Variants in MCHR2 observed in about 807,000 individuals in gnomAD.
The protein encoded by MCHR2 is melanin concentrating hormone receptor 2.
MCHR2 carries 15 observed loss-of-function variants against 24.8 expected under a neutral mutation model. That is an observed-to-expected ratio of 0.60 (90% CI 0.40 to 0.93). The LOEUF (loss-of-function observed/expected upper bound fraction) is 0.93, where lower values mean the gene tolerates loss of function less well. MCHR2 is among the 40% of genes least tolerant of loss of function. The pLI is 0.00. For synonymous variants in MCHR2, 151 were observed against 147.6 expected (o/e 1.02, Z -0.17); for missense variants, 386 against 408.7 (o/e 0.94, Z 0.48).
At chr6:99,944,664 G>A (rs944930418) in intron 3 of MCHR2, among the ~76,000 whole-genome samples, 1 of 152,092 alleles carries the variant, frequency 6.6e-6, no homozygotes, top group Non-Finnish European at 1.5e-5. Context: ...TGCGGAAGTG[G>A]ATGATGTAGT....
Position 99,956,117 on chromosome 6 carries a change from T to C in MCHR2, c.31A>G (p.Thr11Ala), listed in dbSNP as rs757923566. The C allele has an allele frequency of 1.9e-6, 3 of 1,612,734 alleles. No homozygotes were observed. The African/African-American group carries it at 4.0e-5, about 22-fold the overall frequency. ...GATTTGTTTAAAAGTTCGGCAGAGG[T>C]GTTCCAACAAGATGCATGAAATGGA... MNPFHASCWN[T>A]SAELLNKSWN... Residue 11 changes from threonine to alanine, a missense_variant, in exon 2 of 6, where the codon ACC (threonine) becomes GCC (alanine). Physicochemically the swap from Thr to Ala is moderately conservative, Grantham distance 58. Coordinates refer to ENST00000281806, the MANE Select transcript of MCHR2 (RefSeq NM_001040179.2).
intron 1 of MCHR2, among the ~76,000 whole-genome samples, chr6:99,982,338 C>T (rs2114589023): frequency 6.6e-6 from 1 of 151,880 alleles, no homozygotes; most frequent in Admixed American, 6.6e-5. Flanking sequence ...ATAAAACAAT[C>T]TTAATTGGGG....
intron 5 of MCHR2, among the ~76,000 whole-genome samples, chr6:99,925,637 CAACTT>C (rs2114487032): frequency 6.6e-6 from 1 of 152,002 alleles, no homozygotes; most frequent in South Asian, 2.1e-4. Flanking sequence ...AACCTGATAA[CAACTT>C]AACACTGTTT....
chr6:99,956,111 C>G lies in MCHR2; in HGVS notation c.37G>C (p.Ala13Pro). Residue 13 changes from alanine (A) to proline (P), a missense_variant, in exon 2 of 6, where the codon GCC becomes CCC. Ala to Pro is a conservative substitution (Grantham distance 27). Coordinates refer to ENST00000281806, the MANE Select transcript of MCHR2 (RefSeq NM_001040179.2). The part of the protein sequence containing the change: ...PFHASCWNTS[A>P]ELLNKSWNKE... The stretch of plus-strand genomic sequence containing the variant: ...TTCCAGGATTTGTTTAAAAGTTCGG[C>G]AGAGGTGTTCCAACAAGATGCATGA... The G allele has an allele frequency of 1.2e-6, 2 of 1,613,002 alleles. No individual in the cohort carries two copies. The highest frequency in any genetic ancestry group is 2.2e-5 in the South Asian group (2 of 90,952).
chr6:99,951,340 TACAGG>T (rs1370966210), intron 2 of MCHR2, among the ~76,000 whole-genome samples: 1 of 152,128 alleles, frequency 6.6e-6, no homozygotes, highest in East Asian at 1.9e-4. Context: ...GACAGACCTA[TACAGG>T]ACAGATGCTA....
chr6:99,969,574 T>C (rs992694369), intron 1 of MCHR2, among the ~76,000 whole-genome samples: 8 of 152,106 alleles, frequency 5.3e-5, no homozygotes, highest in African/African-American at 1.7e-4. Flanking sequence ...TTTCTTATTT[T>C]AATATTATTA....
At chr6:99,940,215 T>C (rs1774746059) in intron 4 of MCHR2, among the ~76,000 whole-genome samples, 2 of 152,096 alleles carry the variant, frequency 1.3e-5, no homozygotes, top group African/African-American at 4.8e-5. Context: ...TGAACACCGA[T>C]AAGTCTTAGA....
At chr6:99,948,920 T>C (rs1205108828) in intron 2 of MCHR2, among the ~76,000 whole-genome samples, 2 of 152,160 alleles carry the variant, frequency 1.3e-5, no homozygotes, top group Admixed American at 6.5e-5. Context: ...GAGAGTCATC[T>C]GAAAAGAGGG....
intron 1 of MCHR2, among the ~76,000 whole-genome samples, chr6:99,984,520 T>C (rs1245007825): frequency 2.6e-5 from 4 of 152,010 alleles, no homozygotes; most frequent in Non-Finnish European, 2.9e-5. Context: ...TTTCTTTAGA[T>C]AACATCTTTT....
intron 1 of MCHR2, among the ~76,000 whole-genome samples, chr6:99,986,828 T>C (rs938620518): frequency 2.0e-5 from 3 of 150,848 alleles, no homozygotes; most frequent in Non-Finnish European, 4.4e-5. Flanking sequence ...CTTAAGTATA[T>C]ACATGGACCC....
chr6:99,979,078 T>A (rs1775616085), intron 1 of MCHR2, among the ~76,000 whole-genome samples: 1 of 152,214 alleles, frequency 6.6e-6, no homozygotes, highest in Admixed American at 6.5e-5. Flanking sequence ...TATCATTTAC[T>A]TCATAGACAT....
chr6:99,945,543 T>G (rs1774858651), intron 3 of MCHR2, among the ~76,000 whole-genome samples: 1 of 152,172 alleles, frequency 6.6e-6, no homozygotes, highest in South Asian at 2.1e-4. Context: ...AAATGCATGA[T>G]CTATTAAACT....
intron 3 of MCHR2, among the ~76,000 whole-genome samples, chr6:99,943,706 A>G (rs1182834365): frequency 6.6e-6 from 1 of 152,164 alleles, no homozygotes. Flanking sequence ...TAGAGAAAAC[A>G]ATTCTTGACC....
intron 1 of MCHR2, among the ~76,000 whole-genome samples, chr6:99,982,768 T>C (rs1340164643): frequency 1.3e-5 from 2 of 152,114 alleles, no homozygotes; most frequent in African/African-American, 2.4e-5. Context: ...GCTGATCAAA[T>C]TGAGCACTCA....
intron 5 of MCHR2, among the ~76,000 whole-genome samples, chr6:99,927,640 C>T (rs1387904822): frequency 1.3e-5 from 2 of 151,784 alleles, no homozygotes; most frequent in South Asian, 2.1e-4. Flanking sequence ...CTCTGTTTGT[C>T]TGTTATTGGT....
intron 2 of MCHR2, 132 bp from the exon 3 acceptor site, chr6:99,948,103 G>A (rs1774908105): frequency 1.4e-6 from 1 of 697,858 alleles, no homozygotes; most frequent in African/African-American, 1.8e-5. Context: ...CAGATGCATA[G>A]AGGAAATGCC....
intron 4 of MCHR2, among the ~76,000 whole-genome samples, chr6:99,938,843 T>C (rs1774718319): frequency 6.6e-6 from 1 of 152,098 alleles, no homozygotes. Flanking sequence ...GATCTATTAG[T>C]GTTTGCTCTA....
At chr6:99,964,099 G>T (rs1775248473) in intron 1 of MCHR2, among the ~76,000 whole-genome samples, 1 of 152,128 alleles carries the variant, frequency 6.6e-6, no homozygotes, top group African/African-American at 2.4e-5. Context: ...TTAACTATCA[G>T]ATTGGTGAAA....
intron 1 of MCHR2, among the ~76,000 whole-genome samples, chr6:99,980,547 A>G (rs199537450): frequency 6.6e-6 from 1 of 150,404 alleles, no homozygotes; most frequent in Non-Finnish European, 1.5e-5. Context: ...GTGAAAGCAT[A>G]TGTGTGTGTG....
Sources: allele counts gnomAD v4.1 joint callset (sites outside exome capture counted in the v4.1 genomes callset), GRCh38; gene constraint gnomAD v4.1.1; transcripts MANE v1.5; gene names NCBI Gene and HGNC (gene_info 2026-07-23, HGNC 2026-07-21).